Variants in GRK5 observed in about 807,000 individuals in gnomAD.
The protein encoded by GRK5 is G protein-coupled receptor kinase 5, also known as g protein-coupled receptor kinase GRK5.
A neutral mutation model predicts 78.4 loss-of-function variants in GRK5; 40 were observed. The observed-to-expected ratio is 0.51, with a 90% confidence interval of 0.40 to 0.66. The LOEUF is 0.66. GRK5 is among the 30% of genes least tolerant of loss of function. The pLI is 0.00. For missense variants in GRK5, 598 were observed against 759.9 expected, an observed-to-expected ratio of 0.79 and a Z score of 2.50; for synonymous variants, 289 against 296.8, an observed-to-expected ratio of 0.97 and a Z score of 0.27.
At chr10:119,339,168 G>A (rs1245234114) in intron 2 of GRK5, among the ~76,000 whole-genome samples, 9 of 152,170 alleles carry the variant, frequency 5.9e-5, no homozygotes, top group Admixed American at 2.6e-4. Flanking sequence ...TGCCTGCCTC[G>A]GTTCACTGCA....
chr10:119,396,209 G>A (rs1444086328), intron 3 of GRK5, among the ~76,000 whole-genome samples: 1 of 152,246 alleles, frequency 6.6e-6, no homozygotes, highest in Non-Finnish European at 1.5e-5. Context: ...TTATAGAAGG[G>A]TTAAGCAAAT....
At chr10:119,335,553 G>A (rs144721704) in intron 2 of GRK5, among the ~76,000 whole-genome samples, 4,144 of 152,302 alleles carry the variant, frequency 0.027, 96 homozygotes, top group Non-Finnish European at 0.047. Flanking sequence ...AGTAGAGACA[G>A]GGTTTCACCA....
At chr10:119,405,924 T>G (rs1344931504) in intron 4 of GRK5, among the ~76,000 whole-genome samples, 1 of 152,242 alleles carries the variant, frequency 6.6e-6, no homozygotes, top group South Asian at 2.1e-4. Flanking sequence ...ACCAGGAACA[T>G]GCCTGGAGAA....
chr10:119,406,706 C>A (rs1589792700), intron 4 of GRK5, among the ~76,000 whole-genome samples: 1 of 152,246 alleles, frequency 6.6e-6, no homozygotes, highest in East Asian at 1.9e-4. Flanking sequence ...CTTCCTGTCA[C>A]AGCCTTGCGT....
chr10:119,409,104 C>T (rs1293802760), intron 4 of GRK5, among the ~76,000 whole-genome samples: 3 of 152,246 alleles, frequency 2.0e-5, no homozygotes, highest in East Asian at 3.9e-4. Flanking sequence ...CAGCGCCCTC[C>T]GGGGCCCAGC....
intron 1 of GRK5, among the ~76,000 whole-genome samples, chr10:119,248,076 A>G (rs986047587): frequency 2.0e-5 from 3 of 152,108 alleles, no homozygotes; most frequent in African/African-American, 7.2e-5. Flanking sequence ...CACTGGTGTG[A>G]TCATAGCTCA....
intron 2 of GRK5, among the ~76,000 whole-genome samples, chr10:119,370,138 C>T (rs1292737392): frequency 1.3e-5 from 2 of 152,170 alleles, no homozygotes; most frequent in African/African-American, 2.4e-5. Flanking sequence ...GAGACCTGGA[C>T]CCTCATCAGA....
Position 119,430,404 on chromosome 10 carries a change from A to T in GRK5, c.563A>T (p.Gln188Leu). The T allele has an allele frequency of 6.2e-7, 1 of 1,613,464 alleles. No individual in the cohort carries two copies. The highest frequency in any genetic ancestry group is 8.5e-7 in the Non-Finnish European group (1 of 1,179,770). The change falls in exon 7 of 16, where the codon CAG becomes CTG. Residue 188 changes from glutamine to leucine, a missense_variant. By Grantham distance (113) the Gln-to-Leu change is moderately radical. Transcript: ENST00000392870. The surrounding 1 kb of genome is among the most constrained non-coding windows in gnomAD (Gnocchi z 4.5). ...RQPVTKNTFRQYRVLGKGGFG... is the reference protein window; with the variant it reads ...RQPVTKNTFRLYRVLGKGGFG... The stretch of plus-strand genomic sequence containing the variant: ...CCGGTGACCAAAAACACTTTCAGGC[A>T]GTATCGAGTGCTAGGAAAAGGGGGC...
intron 1 of GRK5, among the ~76,000 whole-genome samples, chr10:119,261,080 A>T (rs59255736): frequency 6.2e-4 from 20 of 32,402 alleles, no homozygotes; most frequent in Admixed American, 1.4e-3. Context: ...GGCCGGGCGG[A>T]GACGCTCCTC....
At chr10:119,272,534 C>T (rs1367884066) in intron 1 of GRK5, among the ~76,000 whole-genome samples, 4 of 135,796 alleles carry the variant, frequency 2.9e-5, no homozygotes, top group Admixed American at 1.7e-4. Flanking sequence ...CGAGATCATG[C>T]AGTTGCACTC....
chr10:119,254,986 C>A (rs950990084), intron 1 of GRK5, among the ~76,000 whole-genome samples: 1 of 149,734 alleles, frequency 6.7e-6, no homozygotes, highest in Non-Finnish European at 1.5e-5. Context: ...ACCCAGGAAG[C>A]CGAGATTGCG....
At chr10:119,383,605 A>C (rs1418176152) in intron 3 of GRK5, among the ~76,000 whole-genome samples, 3 of 152,254 alleles carry the variant, frequency 2.0e-5, no homozygotes, top group Non-Finnish European at 2.9e-5. Flanking sequence ...CTCCAGTAGC[A>C]GTAACTATTT....
At chr10:119,444,261 G>A (rs1389928865) in intron 12 of GRK5, among the ~76,000 whole-genome samples, 2 of 152,108 alleles carry the variant, frequency 1.3e-5, no homozygotes, top group South Asian at 2.1e-4. Context: ...TGCTGGTCAC[G>A]CCAGCCTGGC....
At chr10:119,373,383 T>C (rs1851577566) in intron 2 of GRK5, among the ~76,000 whole-genome samples, 2 of 152,272 alleles carry the variant, frequency 1.3e-5, no homozygotes, top group South Asian at 4.2e-4. Context: ...TGGGAGGTAA[T>C]TGAATCATGG....
In GRK5 at chr10:119,274,253, G is replaced by T. The variant is rs557776472; in HGVS notation, c.53-52263G>T. On this transcript the variant is annotated intron_variant, in intron 1 of 15. Coordinates refer to ENST00000392870, the MANE Select transcript of GRK5 (RefSeq NM_005308.3). Reference sequence around the variant, plus strand: ...CTGACCCGGTGACATGGGAGACTGTGGTTTCCCTCATGGTACAGAAACATA... The same window carrying T: ...CTGACCCGGTGACATGGGAGACTGTTGTTTCCCTCATGGTACAGAAACATA... Among the ~76,000 whole-genome samples the T allele has an allele frequency of 2.0e-5, 3 of 152,246 alleles. No homozygotes were observed. The South Asian group carries it at 6.2e-4, about 32-fold the overall frequency.
chr10:119,324,479 T>A (rs1343068857), intron 1 of GRK5, among the ~76,000 whole-genome samples: 1 of 152,054 alleles, frequency 6.6e-6, no homozygotes, highest in Non-Finnish European at 1.5e-5. Context: ...ATATGAAAAA[T>A]TAGCCGGGTG....
At chr10:119,345,010 C>A (rs1387158137) in intron 2 of GRK5, among the ~76,000 whole-genome samples, 2 of 150,964 alleles carry the variant, frequency 1.3e-5, no homozygotes, top group African/African-American at 4.9e-5. Context: ...GCTCTGTCTC[C>A]CAGGCTGGAG....
chr10:119,290,644 C>T (rs941238882), intron 1 of GRK5, among the ~76,000 whole-genome samples: 1 of 151,940 alleles, frequency 6.6e-6, no homozygotes, highest in Non-Finnish European at 1.5e-5. Flanking sequence ...CCTTGGAAAC[C>T]TTTCTGCTTA....
At chr10:119,360,347 C>G (rs1235369591) in intron 2 of GRK5, among the ~76,000 whole-genome samples, 1 of 152,194 alleles carries the variant, frequency 6.6e-6, no homozygotes, top group Non-Finnish European at 1.5e-5. Flanking sequence ...CTTGGAATGG[C>G]ACACGGGGCT....
Sources: allele counts gnomAD v4.1 joint callset (sites outside exome capture counted in the v4.1 genomes callset), GRCh38; gene constraint gnomAD v4.1.1; non-coding constraint Gnocchi (gnomAD v3.1); transcripts MANE v1.5; gene names NCBI Gene and HGNC (gene_info 2026-07-23, HGNC 2026-07-21).